Variants in TUBA4A observed in about 807,000 individuals in gnomAD.
The protein encoded by TUBA4A is tubulin alpha-4A chain.
In TUBA4A, 23 loss-of-function variants were observed where a neutral mutation model predicts 34.3. The ratio of observed to expected loss-of-function variants is 0.67; its 90% CI spans 0.48 to 0.95. The LOEUF (loss-of-function observed/expected upper bound fraction) is 0.95. Ranked by LOEUF, TUBA4A falls within the 40% of genes least tolerant of loss-of-function variation. The pLI is 0.00. For synonymous variants in TUBA4A, 216 were observed against 230.5 expected (o/e 0.94, Z 0.57); for missense variants, 279 against 599.0 (o/e 0.47, Z 5.58).
Position 219,251,443 on chromosome 2 carries a change from AGC to A in TUBA4A, c.375+120_375+121del. 1 of 1,535,560 alleles carries A rather than the reference AGC, an allele frequency of 6.5e-7. No homozygotes were observed. The highest frequency in any genetic ancestry group is 8.8e-7 in the Non-Finnish European group (1 of 1,136,190). ...TCAGGGCAAATACTGAGGATGCCAT[AGC>A]AGCACCACACTCGAGACCATGTATA... On this transcript the variant is annotated intron_variant, in intron 3 of 3. Transcript: ENST00000248437. This position sits in a 1 kb window ranked among gnomAD's most constrained non-coding sequence, Gnocchi z 6.1.
In TUBA4A at chr2:219,252,044, G is replaced by A. The variant is rs1951657250; in HGVS notation, c.190C>T (p.Arg64Trp). 1 of 1,614,172 alleles carries A rather than the reference G, an allele frequency of 6.2e-7. No homozygotes were observed. The highest frequency in any genetic ancestry group is 8.5e-7 in the Non-Finnish European group (1 of 1,180,022). ...GGCTCCAGATCCACAAAAACTGCCC[G>A]GGGTACGTGTTTTCCAGCACCAGTT... Reference protein sequence around the residue: ...CETGAGKHVPRAVFVDLEPTV... With the variant: ...CETGAGKHVPWAVFVDLEPTV... Residue 64 changes from arginine to tryptophan, a missense_variant, in exon 2 of 4, where the codon CGG (arginine) becomes TGG (tryptophan). Physicochemically the swap from Arg to Trp is moderately radical, Grantham distance 101. This residue lies in a region of TUBA4A where 98 missense variants were observed against 171.1 expected (regional missense o/e 0.57). Coordinates refer to ENST00000248437, the MANE Select transcript of TUBA4A (RefSeq NM_006000.3). This position sits in a 1 kb window ranked among gnomAD's most constrained non-coding sequence, Gnocchi z 4.1.
rs777774024 is a variant in TUBA4A at position 219,251,468 on chromosome 2, A to G, written c.375+97T>C. 3 of 1,545,530 alleles carry G rather than the reference A, an allele frequency of 1.9e-6. No individual in the cohort carries two copies. The highest frequency in any genetic ancestry group is 1.9e-5 in the Admixed American group (1 of 53,970). ...AGCAGCACCACACTCGAGACCATGT[A>G]TAGTTAGAGATGACCTCCTGAAAGG... On this transcript the variant is annotated intron_variant, in intron 3 of 3. Coordinates refer to ENST00000248437, the MANE Select transcript of TUBA4A (RefSeq NM_006000.3). The surrounding 1 kb of genome is among the most constrained non-coding windows in gnomAD (Gnocchi z 6.1).
rs1951668077 is a variant in TUBA4A, at chr2:219,252,692, C to T, written c.4-462G>A. 2 of 445,020 alleles carry T rather than the reference C, an allele frequency of 4.5e-6. No homozygotes were observed. Among genetic ancestry groups the T allele is most frequent in the Non-Finnish European group, 9.6e-6 (2 of 209,034 alleles). 27.6% of individuals were successfully genotyped at this position (445,020 alleles called of 1,614,324 possible). A position where few individuals can be genotyped will look rare whatever the true frequency, so the allele number is the denominator to read the frequency against. ...ACACGCCATCAGGATGCCCTCCTCC[C>T]TCACCTTTAAATCCCATCTGGCTCT... On this transcript the variant is annotated intron_variant, in intron 1 of 3. Transcript: ENST00000248437. The surrounding 1 kb of genome is among the most constrained non-coding windows in gnomAD (Gnocchi z 4.1).
At chr2:219,253,016 G>C in intron 1 of TUBA4A, 1 of 653,650 alleles carries the variant, frequency 1.5e-6, no homozygotes, top group South Asian at 1.5e-5. Context: ...AGTGGAACCT[G>C]CGGTGAGGCC....
rs1184032178 is a variant in TUBA4A, at chr2:219,252,798, A to G, written c.4-568T>C. The G allele has an allele frequency of 4.2e-6, 2 of 471,752 alleles. No individual in the cohort carries two copies. Among genetic ancestry groups the G allele is most frequent in the Admixed American group, 2.3e-5 (1 of 42,570 alleles). The allele number at this position is 471,752 out of a possible 1,614,324, so 29.2% of individuals were successfully genotyped here. On this transcript the variant is annotated intron_variant, in intron 1 of 3. Coordinates refer to ENST00000248437, the MANE Select transcript of TUBA4A (RefSeq NM_006000.3). This position sits in a 1 kb window ranked among gnomAD's most constrained non-coding sequence, Gnocchi z 4.1. ...CTTCACCACTTTCATCTCCCGTGTC[A>G]GCCCGCACGGAAATAGCGGCGGTAA...
rs1951643022 is a variant in TUBA4A at position 219,251,273 on chromosome 2, AC to A, written c.425del (p.Gly142ValfsTer12). The A allele has an allele frequency of 1.2e-6, 2 of 1,613,772 alleles. No individual in the cohort carries two copies. Among genetic ancestry groups the A allele is most frequent in the Non-Finnish European group, 1.7e-6 (2 of 1,179,852 alleles). On this transcript the variant is annotated frameshift_variant, in exon 4 of 4. Transcript: ENST00000248437. LOFTEE classifies it high-confidence loss of function. The surrounding 1 kb of genome is among the most constrained non-coding windows in gnomAD (Gnocchi z 6.1). Reference protein sequence around the residue: ...LQGFLVFHSFGGGTGSGFTSL... With the variant: ...LQGFLVFHSFXGGTGSGFTSL... ...AGGTGAAGCCAGAGCCAGTGCCCCC[AC>A]CAAAGCTGTGGAACACCAGGAAGCC...
At chr2:219,254,146 C>G (rs1003663122), upstream of TUBA4A, 4 of 363,752 alleles carry the variant, frequency 1.1e-5, no homozygotes, top group Non-Finnish European at 2.0e-5. Context: ...ATTCTTTCCT[C>G]GTTTTGAGCA....
In TUBA4A at chr2:219,250,971, C is replaced by G. The variant is rs766789413; in HGVS notation, c.728G>C (p.Arg243Pro). The change falls in exon 4 of 4, where the codon CGC (arginine) becomes CCC (proline). Residue 243 changes from arginine (R) to proline (P), a missense_variant. Physicochemically the swap from Arg to Pro is moderately radical, Grantham distance 103. Transcript: ENST00000248437. The surrounding 1 kb of genome is among the most constrained non-coding windows in gnomAD (Gnocchi z 8.4). ...QIVSSITASL[R>P]FDGALNVDLT... ...GTCCACATTGAGGGCCCCGTCAAAG[C>G]GCAGAGAAGCTGTGATGGAGGAGAC... is the stretch of plus-strand genomic sequence containing the variant. 3 of 1,614,106 alleles carry G rather than the reference C, an allele frequency of 1.9e-6. No individual in the cohort carries two copies. Among genetic ancestry groups the G allele is most frequent in the Non-Finnish European group, 2.5e-6 (3 of 1,180,014 alleles).
chr2:219,252,760 G>A lies in TUBA4A; in HGVS notation c.4-530C>T, dbSNP rs866612198. 4 of 471,434 alleles carry A rather than the reference G, an allele frequency of 8.5e-6. No homozygotes were observed. The highest frequency in any genetic ancestry group is 4.6e-5 in the South Asian group (3 of 64,532). 29.2% of individuals were successfully genotyped at this position (471,434 alleles called of 1,614,324 possible). ...GGCTCCTCTCCCCACCTCCACCCCC[G>A]CACCCTGGGTGTCTTCACCACTTTC... On this transcript the variant is annotated intron_variant, in intron 1 of 3. Coordinates refer to ENST00000248437, the MANE Select transcript of TUBA4A (RefSeq NM_006000.3). This position sits in a 1 kb window ranked among gnomAD's most constrained non-coding sequence, Gnocchi z 4.1.
chr2:219,250,942 T>A lies in TUBA4A; in HGVS notation c.757A>T (p.Thr253Ser). Residue 253 changes from threonine to serine, a missense_variant, in exon 4 of 4, where the codon ACA (threonine) becomes TCA (serine). Thr to Ser is a moderately conservative substitution (Grantham distance 58). This residue lies in a region of TUBA4A where 108 missense variants were observed against 299.9 expected (regional missense o/e 0.36). Coordinates refer to ENST00000248437, the MANE Select transcript of TUBA4A (RefSeq NM_006000.3). The surrounding 1 kb of genome is among the most constrained non-coding windows in gnomAD (Gnocchi z 8.4). ...GGCACCAGGTTGGTCTGGAACTCTGTCAGGTCCACATTGAGGGCCCCGTCA... is the reference window on the plus strand; with the variant it reads ...GGCACCAGGTTGGTCTGGAACTCTGACAGGTCCACATTGAGGGCCCCGTCA... ...RFDGALNVDLTEFQTNLVPYP... is the reference protein window; with the variant it reads ...RFDGALNVDLSEFQTNLVPYP... 6.2e-7 allele frequency: 1 copy of A among 1,614,112 alleles called. No individual in the cohort carries two copies. Among genetic ancestry groups the A allele is most frequent in the East Asian group, 2.2e-5 (1 of 44,882 alleles).
Position 219,251,059 on chromosome 2 carries a change from G to A in TUBA4A, c.640C>T (p.Arg214Cys), listed in dbSNP as rs747728810. Residue 214 changes from arginine (R) to cysteine (C), a missense_variant, in exon 4 of 4, where the codon CGC becomes TGC. Transcript: ENST00000248437. This position sits in a 1 kb window ranked among gnomAD's most constrained non-coding sequence, Gnocchi z 6.1. ...VDNEAIYDIC[R>C]RNLDIERPTY... is the part of the protein sequence containing the mutation. ...GGGCGCTCGATGTCTAGGTTGCGGC[G>A]GCAGATGTCATAGATTGCTTCGTTG... 6.2e-6 allele frequency: 10 copies of A among 1,614,088 alleles called. No individual in the cohort carries two copies. The highest frequency in any genetic ancestry group is 8.5e-6 in the Non-Finnish European group (10 of 1,180,056).
intron 1 of TUBA4A, chr2:219,253,522 G>C: frequency 9.8e-7 from 1 of 1,025,084 alleles, no homozygotes; most frequent in Non-Finnish European, 1.5e-6. Context: ...GTCTTCTTTT[G>C]CCCGCGGAAA....
In TUBA4A at chr2:219,250,577, G is replaced by T. The variant is rs531647997; in HGVS notation, c.1122C>A (p.Ala374=). The part of the protein sequence containing the change: ...PGGDLAKVQR[A]VCMLSNTTAI... ...CGGTCGTGTTGCTCAGCATGCACACGGCACGCTGCACCTTGGCCAGGTCAC... is the reference window on the plus strand; with the variant it reads ...CGGTCGTGTTGCTCAGCATGCACACTGCACGCTGCACCTTGGCCAGGTCAC... The change falls in exon 4 of 4, where the codon GCC becomes GCA. Residue 374 remains alanine (A), a synonymous_variant. Coordinates refer to ENST00000248437, the MANE Select transcript of TUBA4A (RefSeq NM_006000.3). The surrounding 1 kb of genome is among the most constrained non-coding windows in gnomAD (Gnocchi z 8.4). The T allele has an allele frequency of 2.1e-5, 34 of 1,614,214 alleles. No homozygotes were observed. The South Asian group carries it at 3.2e-4, about 15-fold the overall frequency.
chr2:219,253,151 C>G (rs1951675795), intron 1 of TUBA4A: 3 of 1,524,664 alleles, frequency 2.0e-6, no homozygotes, highest in Non-Finnish European at 2.7e-6. Context: ...GGTTTCGGCC[C>G]CCGCTCCTGG....
At chr2:219,253,762 C>T (rs1951688264) in intron 1 of TUBA4A, 94 bp downstream of exon 1, 4 of 1,446,922 alleles carry the variant, frequency 2.8e-6, no homozygotes, top group Admixed American at 2.2e-5. Flanking sequence ...CCCGGAACGC[C>T]CGGTGGAGGT....
chr2:219,253,872 G>A lies in TUBA4A; in HGVS notation c.-14C>T. On this transcript the variant is annotated 5_prime_UTR_variant, in exon 1 of 4. Coordinates refer to ENST00000248437, the MANE Select transcript of TUBA4A (RefSeq NM_006000.3). ...CGCACTCACCATGGTGAGTCCGGGCGGTGCGTCTCACGTTGAGTCGGGGTG... is the reference window on the plus strand; with the variant it reads ...CGCACTCACCATGGTGAGTCCGGGCAGTGCGTCTCACGTTGAGTCGGGGTG... 6.9e-7 allele frequency: 1 copy of A among 1,457,198 alleles called. No individual in the cohort carries two copies. The highest frequency in any genetic ancestry group is 9.0e-7 in the Non-Finnish European group (1 of 1,105,408). The allele number at this position is 1,457,198 out of a possible 1,614,324, so 90.3% of individuals were successfully genotyped here.
rs1951618721 is a variant in TUBA4A at position 219,250,031 on chromosome 2, G to T, written c.*321C>A. 1 of 295,460 alleles carries T rather than the reference G, an allele frequency of 3.4e-6. No individual in the cohort carries two copies. Among genetic ancestry groups the T allele is most frequent in the Non-Finnish European group, 6.4e-6 (1 of 156,166 alleles). 18.3% of individuals were successfully genotyped at this position (295,460 alleles called of 1,614,324 possible). A position where few individuals can be genotyped will look rare whatever the true frequency, so the allele number is the denominator to read the frequency against. ...AAACCACTGGATTATACTCCTACTT[G>T]GAAAGGAGCTGAAGACTCATCCTTC... On this transcript the variant is annotated 3_prime_UTR_variant, in exon 4 of 4. Coordinates refer to ENST00000248437, the MANE Select transcript of TUBA4A (RefSeq NM_006000.3). This position sits in a 1 kb window ranked among gnomAD's most constrained non-coding sequence, Gnocchi z 8.4.
At chr2:219,253,107 T>A in intron 1 of TUBA4A, 4 of 1,459,504 alleles carry the variant, frequency 2.7e-6, no homozygotes, top group Non-Finnish European at 3.7e-6. Context: ...CTCTGGAGTC[T>A]TTACAGTTAT....
chr2:219,250,097 T>C lies in TUBA4A; in HGVS notation c.*255A>G, dbSNP rs74429631. On this transcript the variant is annotated 3_prime_UTR_variant, in exon 4 of 4. Coordinates refer to ENST00000248437, the MANE Select transcript of TUBA4A (RefSeq NM_006000.3). This position sits in a 1 kb window ranked among gnomAD's most constrained non-coding sequence, Gnocchi z 8.4. ...GATTTTGGTCCTCATTTCCTCCCTA[T>C]ACTGAGTAACCCTAGGACTTCAATT... 1.5e-3 allele frequency: 779 copies of C among 527,154 alleles called. 2 individuals carry two copies. Among genetic ancestry groups the C allele is most frequent in the Non-Finnish European group, 2.4e-3 (714 of 297,554 alleles). The allele number at this position is 527,154 out of a possible 1,614,324, so 32.7% of individuals were successfully genotyped here. A position where few individuals can be genotyped will look rare whatever the true frequency, so the allele number is the denominator to read the frequency against.
Sources: gnomAD v4.1 joint callset for allele counts on GRCh38, gnomAD v4.1.1 for gene constraint, gnomAD v4.1.1 regional missense constraint, Gnocchi (gnomAD v3.1) non-coding constraint, MANE v1.5 for transcripts, NCBI Gene and HGNC (gene_info 2026-07-23, HGNC 2026-07-21) for gene names.